DLG2: variants seen among roughly 807,000 people sequenced by gnomAD.
DLG2 encodes the protein disks large homolog 2.
DLG2 carries 45 observed loss-of-function variants against 132.5 expected under a neutral mutation model. That is an observed-to-expected ratio of 0.34 (90% CI 0.27 to 0.44). The LOEUF (loss-of-function observed/expected upper bound fraction) is 0.44, where lower values mean the gene tolerates loss of function less well. Among genes scored for constraint, DLG2 ranks in the 20% least tolerant of loss-of-function variants. The probability of loss-of-function intolerance (pLI) is 1.00; values close to 1 mark genes in which losing one functional copy is unlikely to be tolerated. For synonymous variants in DLG2, 424 were observed against 419.6 expected (o/e 1.01, Z -0.13); for missense variants, 1,045 against 1,196.9 (o/e 0.87, Z 1.87).
chr11:85,576,828 A>T (rs1174429904), intron 3 of DLG2, among the ~76,000 whole-genome samples: 2 of 152,182 alleles, frequency 1.3e-5, no homozygotes, highest in Non-Finnish European at 2.9e-5. Context: ...GAGTAACAGA[A>T]AAAAGAGTAA....
intron 7 of DLG2, chr11:84,273,398 A>T (rs1280975714): frequency 1.6e-6 from 2 of 1,260,236 alleles, no homozygotes; most frequent in African/African-American, 1.5e-5. Context: ...AAGACTTAAA[A>T]AAAAAGTTAA....
intron 6 of DLG2, among the ~76,000 whole-genome samples, chr11:84,807,098 G>T (rs1049448650): frequency 6.6e-6 from 1 of 151,982 alleles, no homozygotes; most frequent in Non-Finnish European, 1.5e-5. Flanking sequence ...CCACTGGAAG[G>T]CAAAATAAAA....
chr11:85,402,144 A>T (rs953041094), intron 3 of DLG2, among the ~76,000 whole-genome samples: 1 of 152,004 alleles, frequency 6.6e-6, no homozygotes, highest in Non-Finnish European at 1.5e-5. Flanking sequence ...CAAAACAGAG[A>T]TATAGACCAA....
At chr11:84,299,374 A>G (rs1291705392) in intron 7 of DLG2, among the ~76,000 whole-genome samples, 2 of 152,242 alleles carry the variant, frequency 1.3e-5, no homozygotes. Context: ...GTTTATGGGA[A>G]TGATAACACA....
intron 3 of DLG2, among the ~76,000 whole-genome samples, chr11:85,426,959 C>T (rs200580090): frequency 6.6e-6 from 1 of 152,100 alleles, no homozygotes; most frequent in African/African-American, 2.4e-5. Flanking sequence ...AAAACCAAGG[C>T]ACGAGAAATA....
At chr11:85,039,197 G>C (rs770493689) in intron 6 of DLG2, among the ~76,000 whole-genome samples, 1 of 151,440 alleles carries the variant, frequency 6.6e-6, no homozygotes, top group Non-Finnish European at 1.5e-5. Context: ...TTAGTAAGAG[G>C]AATTTTTCTT....
At chr11:85,315,804 G>A (rs992420558) in intron 3 of DLG2, among the ~76,000 whole-genome samples, 11 of 151,976 alleles carry the variant, frequency 7.2e-5, no homozygotes, top group African/African-American at 2.7e-4. Flanking sequence ...TTTCCTCCCA[G>A]GAGGCTGTGT....
chr11:84,684,772 A>G (rs1405874913), intron 6 of DLG2, among the ~76,000 whole-genome samples: 1 of 152,206 alleles, frequency 6.6e-6, no homozygotes, highest in Non-Finnish European at 1.5e-5. Context: ...GGCCTGGCAT[A>G]TAATCGTATT....
At chr11:84,551,034 T>C (rs1254242130) in intron 6 of DLG2, among the ~76,000 whole-genome samples, 2 of 152,154 alleles carry the variant, frequency 1.3e-5, no homozygotes, top group African/African-American at 4.8e-5. Context: ...GCTTGATCTA[T>C]CCAGCTGCCT....
At chr11:84,403,054 T>C (rs2098836283) in intron 7 of DLG2, among the ~76,000 whole-genome samples, 1 of 151,154 alleles carries the variant, frequency 6.6e-6, no homozygotes, top group African/African-American at 2.4e-5. Context: ...TCAGACTGTG[T>C]TTTTTTTTAA....
rs183800113 is a variant in DLG2 at position 85,506,083 on chromosome 11, T to A, written c.40+92574A>T. On this transcript the variant is annotated intron_variant, in intron 3 of 27. Transcript: ENST00000376104. ...TGGTGATATCCCCTTTATCATTTTT[T>A]ATTGTGTCTATTTGATTTTTCTCTC... Among the ~76,000 whole-genome samples, 626 of 152,332 alleles carry A rather than the reference T, an allele frequency of 4.1e-3. 7 individuals are homozygous for A. Among genetic ancestry groups the A allele is most frequent in the African/African-American group, 0.013 (546 of 41,582 alleles).
At chr11:84,999,857 A>G (rs1275310436) in intron 6 of DLG2, among the ~76,000 whole-genome samples, 1 of 152,116 alleles carries the variant, frequency 6.6e-6, no homozygotes, top group Non-Finnish European at 1.5e-5. Flanking sequence ...GGTAAGGGGG[A>G]AATAAACCTT....
intron 5 of DLG2, among the ~76,000 whole-genome samples, chr11:85,124,721 A>G (rs1266896838): frequency 1.3e-5 from 2 of 152,246 alleles, no homozygotes; most frequent in East Asian, 1.9e-4. Context: ...AGAAAATCTT[A>G]TATTCCAAAC....
chr11:84,682,286 A>T (rs1368890888), intron 6 of DLG2, among the ~76,000 whole-genome samples: 1 of 152,208 alleles, frequency 6.6e-6, no homozygotes, highest in Admixed American at 6.5e-5. Context: ...TAACTCAGTG[A>T]CCCTCTTTGA....
At chr11:84,078,432 G>C (rs1002339168) in intron 10 of DLG2, among the ~76,000 whole-genome samples, 7 of 152,154 alleles carry the variant, frequency 4.6e-5, no homozygotes, top group African/African-American at 1.7e-4. Flanking sequence ...CTAATCATTA[G>C]AGTCACCGAC....
intron 6 of DLG2, among the ~76,000 whole-genome samples, chr11:84,908,579 A>C (rs2091770999): frequency 6.6e-6 from 1 of 151,972 alleles, no homozygotes; most frequent in Admixed American, 6.5e-5. Context: ...GATTCTCAGA[A>C]AGTTTCCCCT....
intron 7 of DLG2, among the ~76,000 whole-genome samples, chr11:84,297,681 AAGG>A (rs1331363095): frequency 6.6e-6 from 1 of 152,018 alleles, no homozygotes; most frequent in African/African-American, 2.4e-5. Context: ...TCTTTGTTTA[AAGG>A]AGTCCAATGG....
chr11:83,889,816 T>C (rs1330404282), intron 15 of DLG2, among the ~76,000 whole-genome samples: 1 of 152,110 alleles, frequency 6.6e-6, no homozygotes, highest in Non-Finnish European at 1.5e-5. Flanking sequence ...TGTAGGGACA[T>C]GGATGAAATT....
intron 3 of DLG2, among the ~76,000 whole-genome samples, chr11:85,502,354 C>G (rs1187913430): frequency 1.3e-5 from 2 of 151,580 alleles, no homozygotes; most frequent in Non-Finnish European, 2.9e-5. Context: ...CACCACGACA[C>G]GACACGTGTA....
Sources: gnomAD v4.1 joint callset for allele counts (sites outside exome capture counted in the v4.1 genomes callset) on GRCh38, gnomAD v4.1.1 for gene constraint, MANE v1.5 for transcripts, NCBI Gene and HGNC (gene_info 2026-07-23, HGNC 2026-07-21) for gene names.